Variants in POMK observed in about 807,000 individuals in gnomAD.
POMK encodes the protein protein O-mannose kinase, also known as Sugen kinase 196.
Under a neutral mutation model 23.0 loss-of-function variants are expected in POMK, and 19 were observed. That is an observed-to-expected ratio of 0.83 (90% CI 0.58 to 1.21). The LOEUF is 1.21. Among genes scored for constraint, POMK ranks in the 50% most tolerant of loss-of-function variants. The pLI, the probability that POMK is intolerant of heterozygous loss-of-function variation, is 0.00. For synonymous variants in POMK, 173 were observed against 171.6 expected, an observed-to-expected ratio of 1.01 and a Z score of -0.06; for missense variants, 410 against 431.3, an observed-to-expected ratio of 0.95 and a Z score of 0.44.
intron 4 of POMK, among the ~76,000 whole-genome samples, chr8:43,118,726 A>T (rs1209792491): frequency 6.6e-6 from 1 of 152,222 alleles, no homozygotes; most frequent in Non-Finnish European, 1.5e-5. Flanking sequence ...ATCTTCATTT[A>T]TCTGAAACAA....
In POMK at chr8:43,103,732, A is replaced by G. The variant is rs142894606; in HGVS notation, c.184A>G (p.Ile62Val). The G allele has an allele frequency of 1.2e-6, 2 of 1,614,072 alleles. No individual in the cohort carries two copies. Among genetic ancestry groups the G allele is most frequent in the African/African-American group, 2.7e-5 (2 of 74,930 alleles). The change falls in exon 4 of 5, where the codon ATA (isoleucine) becomes GTA (valine). Residue 62 changes from isoleucine to valine, a missense_variant. Physicochemically the swap from Ile to Val is conservative, Grantham distance 29 (BLOSUM62 3). Transcript: ENST00000331373. ...ACACTGTCCCTATGGTCACTTCAGG[A>G]TAGGACAGATGAAAAACTGCTCACC... ...PTHCPYGHFR[I>V]GQMKNCSPWL...
rs757600130 is a variant in POMK, at chr8:43,122,657, A to G, written c.833A>G (p.Glu278Gly). ...FHDDLMPSYD[E>G]KIDIWKIPDI... ...GATGATCTCATGCCCTCATATGATG[A>G]GAAGATTGACATTTGGAAGATCCCA... Residue 278 changes from glutamate to glycine, a missense_variant, in exon 5 of 5, where the codon GAG (glutamate) becomes GGG (glycine). Physicochemically the swap from Glu to Gly is moderately conservative, Grantham distance 98. Coordinates refer to ENST00000331373, the MANE Select transcript of POMK (RefSeq NM_032237.5). 9.3e-6 allele frequency: 15 copies of G among 1,614,070 alleles called. No individual in the cohort carries two copies. The East Asian group carries it at 3.1e-4, about 34-fold the overall frequency.
rs191155968 is a variant in POMK at position 43,104,933 on chromosome 8, A to G, written c.282+1103A>G. Reference sequence around the variant, plus strand: ...GGTGACAGAGCAAGATGCTGTCTCCAAAGGAAAAAAAAAATATGAAAATGA... The same window carrying G: ...GGTGACAGAGCAAGATGCTGTCTCCGAAGGAAAAAAAAAATATGAAAATGA... On this transcript the variant is annotated intron_variant, in intron 4 of 4. Coordinates refer to ENST00000331373, the MANE Select transcript of POMK (RefSeq NM_032237.5). Among the ~76,000 whole-genome samples the G allele has an allele frequency of 2.5e-3, 381 of 152,280 alleles. 2 individuals are homozygous for G. The highest frequency in any genetic ancestry group is 0.011 in the South Asian group (52 of 4,824).
At chr8:43,119,727 G>A (rs1811873431) in intron 4 of POMK, among the ~76,000 whole-genome samples, 4 of 151,928 alleles carry the variant, frequency 2.6e-5, no homozygotes, top group East Asian at 1.9e-4. Flanking sequence ...CACCGCGTCC[G>A]GCCCAAAAAC....
Position 43,122,977 on chromosome 8 carries a change from T to TG in POMK, c.*101dup. On this transcript the variant is annotated 3_prime_UTR_variant, in exon 5 of 5. Transcript: ENST00000331373. ...TTTTTGCCTGAGTTTCGTGTTTTAT[T>TG]GTTTTTTTTATGGCTTAGCCATGTG... The TG allele has an allele frequency of 9.0e-7, 1 of 1,111,086 alleles. No homozygotes were observed. 68.8% of individuals were successfully genotyped at this position (1,111,086 alleles called of 1,614,324 possible).
intron 1 of POMK, among the ~76,000 whole-genome samples, chr8:43,096,384 C>G (rs527479546): frequency 6.6e-6 from 1 of 152,158 alleles, no homozygotes; most frequent in Non-Finnish European, 1.5e-5. Context: ...CTGCATGGGC[C>G]GGACATGGTG....
Position 43,122,987 on chromosome 8 carries a change from A to G in POMK, c.*110A>G, listed in dbSNP as rs988410299. ...AGTTTCGTGTTTTATTGTTTTTTTT[A>G]TGGCTTAGCCATGTGGTTCGTTGTC... On this transcript the variant is annotated 3_prime_UTR_variant, in exon 5 of 5. Transcript: ENST00000331373. 3.1e-6 allele frequency: 3 copies of G among 955,752 alleles called. No individual in the cohort carries two copies. In the Admixed American group the frequency reaches 7.5e-5, roughly 24 times the overall value. The allele number at this position is 955,752 out of a possible 1,614,324, so 59.2% of individuals were successfully genotyped here.
chr8:43,112,872 T>G (rs1324519643), intron 4 of POMK, among the ~76,000 whole-genome samples: 3 of 152,120 alleles, frequency 2.0e-5, no homozygotes, highest in Non-Finnish European at 2.9e-5. Flanking sequence ...GCTGAGAGAT[T>G]TTGTCACCAC....
chr8:43,099,803 C>T (rs554628790), intron 2 of POMK, among the ~76,000 whole-genome samples: 7 of 152,162 alleles, frequency 4.6e-5, no homozygotes, highest in African/African-American at 1.2e-4. Flanking sequence ...TGGGGTGGGG[C>T]TTGGGAACTG....
At chr8:43,100,550 G>A (rs1039534358) in intron 2 of POMK, among the ~76,000 whole-genome samples, 6 of 151,908 alleles carry the variant, frequency 3.9e-5, no homozygotes, top group Non-Finnish European at 7.4e-5. Context: ...AGGAGAGAAT[G>A]GGGTGCTTAT....
chr8:43,102,047 T>A (rs1811454968), intron 2 of POMK, among the ~76,000 whole-genome samples: 1 of 152,204 alleles, frequency 6.6e-6, no homozygotes, highest in Non-Finnish European at 1.5e-5. Context: ...CCTGGGATGC[T>A]TCCTCCAGGG....
At chr8:43,099,389 C>G (rs1212849848) in intron 2 of POMK, among the ~76,000 whole-genome samples, 1 of 152,210 alleles carries the variant, frequency 6.6e-6, no homozygotes, top group Non-Finnish European at 1.5e-5. Context: ...TGGAAGTTGT[C>G]AGCAGGCAGC....
intron 4 of POMK, among the ~76,000 whole-genome samples, chr8:43,113,638 T>C (rs919814543): frequency 1.1e-4 from 17 of 152,260 alleles, no homozygotes; most frequent in Non-Finnish European, 2.2e-4. Flanking sequence ...TCCAGCTTTT[T>C]TCCGTTGCTG....
chr8:43,103,435 C>A (rs1811482485), intron 3 of POMK, 93 bp from the exon 4 acceptor site: 2 of 1,208,158 alleles, frequency 1.7e-6, no homozygotes, highest in Non-Finnish European at 2.4e-6. Context: ...GCTTACAGGA[C>A]CCTTGAGTAG....
intron 4 of POMK, among the ~76,000 whole-genome samples, chr8:43,106,519 T>C (rs953755121): frequency 2.0e-5 from 3 of 149,032 alleles, no homozygotes; most frequent in Non-Finnish European, 4.5e-5. Context: ...CTTTTTTTTT[T>C]TTTTTTTTTT....
chr8:43,116,449 T>A (rs892499916), intron 4 of POMK, among the ~76,000 whole-genome samples: 14 of 152,110 alleles, frequency 9.2e-5, no homozygotes, highest in African/African-American at 3.4e-4. Context: ...TTTTTTTTTT[T>A]AAAGAGTTGA....
chr8:43,110,656 G>A (rs1041795354), intron 4 of POMK, among the ~76,000 whole-genome samples: 1 of 152,124 alleles, frequency 6.6e-6, no homozygotes, highest in Non-Finnish European at 1.5e-5. Context: ...GGTGGCTCAC[G>A]CCTATAATCC....
chr8:43,122,281 C>T lies in POMK; in HGVS notation c.457C>T (p.Pro153Ser), dbSNP rs140899970. The T allele has an allele frequency of 8.7e-6, 14 of 1,614,074 alleles. No homozygotes were observed. Among genetic ancestry groups the T allele is most frequent in the Admixed American group, 8.3e-5 (5 of 60,000 alleles). ...CAACACTATGCTTACTGAATATCAC[C>T]CTCTAGGTTCCTTGAGTAACCTGGA... ...DDNTMLTEYHPLGSLSNLEET... is the reference protein window; with the variant it reads ...DDNTMLTEYHSLGSLSNLEET... The change falls in exon 5 of 5, where the codon CCT becomes TCT. Residue 153 changes from proline to serine, a missense_variant. Physicochemically the swap from Pro to Ser is moderately conservative, Grantham distance 74 (BLOSUM62 -1). Coordinates refer to ENST00000331373, the MANE Select transcript of POMK (RefSeq NM_032237.5).
At chr8:43,093,822 A>C (rs1811274085) in intron 1 of POMK, among the ~76,000 whole-genome samples, 1 of 152,228 alleles carries the variant, frequency 6.6e-6, no homozygotes, top group South Asian at 2.1e-4. Flanking sequence ...AGGTGGCTCC[A>C]GCCTGTAATC....
Sources: allele counts gnomAD v4.1 joint callset (sites outside exome capture counted in the v4.1 genomes callset), GRCh38; gene constraint gnomAD v4.1.1; transcripts MANE v1.5; gene names NCBI Gene and HGNC (gene_info 2026-07-23, HGNC 2026-07-21).